The following STT3A variants were observed in gnomAD, a reference collection of about 807,000 sequenced individuals.
STT3A encodes the protein dolichyl-diphosphooligosaccharide--protein glycosyltransferase subunit STT3A.
Under a neutral mutation model 89.2 loss-of-function variants are expected in STT3A, and 34 were observed. The ratio of observed to expected loss-of-function variants is 0.38; its 90% CI spans 0.29 to 0.51. The LOEUF is 0.51. Among genes scored for constraint, STT3A ranks in the 20% least tolerant of loss-of-function variants. The pLI is 0.89. For missense variants in STT3A, 555 were observed against 889.5 expected (o/e 0.62, Z 4.78); for synonymous variants, 282 against 310.3 (o/e 0.91, Z 0.96).
chr11:125,614,134 T>A lies in STT3A; in HGVS notation c.1602T>A (p.Ala534=). 3 of 1,614,176 alleles carry A rather than the reference T, an allele frequency of 1.9e-6. No homozygotes were observed. The highest frequency in any genetic ancestry group is 2.5e-6 in the Non-Finnish European group (3 of 1,180,024). Residue 534 remains alanine (A), a synonymous_variant, in exon 14 of 18, where the codon GCT becomes GCA. Transcript: ENST00000392708. This position sits in a 1 kb window ranked among gnomAD's most constrained non-coding sequence, Gnocchi z 4.9. The part of the protein sequence containing the change: ...SWWDYGYQIT[A]MANRTILVDN... ...GGGATTATGGCTATCAGATTACAGC[T>A]ATGGCAAACCGAACAATTTTAGTGG...
upstream of STT3A, chr11:125,591,808 G>C (rs1192956082): frequency 6.6e-6 from 1 of 152,442 alleles, no homozygotes; most frequent in Non-Finnish European, 1.5e-5. Context: ...AGTTCGAAGA[G>C]CTGCGAGACG....
At chr11:125,593,673 T>G (rs1012495870) in intron 1 of STT3A, 10 of 152,256 alleles carry the variant, frequency 6.6e-5, no homozygotes, top group African/African-American at 2.4e-4. Context: ...CTGAGAGATA[T>G]GGCTGGATTG....
intron 10 of STT3A, chr11:125,610,989 A>G (rs11220154): frequency 0.28 from 42,594 of 153,094 alleles, 6,130 homozygotes; most frequent in East Asian, 0.4. Flanking sequence ...AATAAGAATG[A>G]GATCATAGTT....
intron 6 of STT3A, among the ~76,000 whole-genome samples, chr11:125,604,582 A>G (rs1374956840): frequency 6.6e-6 from 1 of 152,228 alleles, no homozygotes; most frequent in Non-Finnish European, 1.5e-5. Context: ...TCTCAATTCA[A>G]CATACATTTG....
intron 1 of STT3A, chr11:125,593,691 C>T (rs1369321983): frequency 6.6e-6 from 1 of 152,180 alleles, no homozygotes; most frequent in Non-Finnish European, 1.5e-5. Context: ...TTGTTGACCT[C>T]CTGGAGTAGT....
At chr11:125,612,522 CTACT>C (rs1940056836) in intron 11 of STT3A, 66 bp from the exon 12 acceptor site, 3 of 1,514,922 alleles carry the variant, frequency 2.0e-6, no homozygotes, top group Non-Finnish European at 2.7e-6. Context: ...ATGTCTTGAT[CTACT>C]AATAGGCTGA....
In STT3A at chr11:125,622,526, A is replaced by AT. The variant is rs1302562054; in HGVS notation, c.*1717dup. On this transcript the variant is annotated 3_prime_UTR_variant, in exon 18 of 18. Transcript: ENST00000392708. ...TTAATTTTGTTACTTTCTAGGCTAC[A>AT]TGAAGCTATCTTTTTAAAAAGTGTA... 6.6e-6 allele frequency: 1 copy of AT among 152,200 alleles called. No individual in the cohort carries two copies. Among genetic ancestry groups the AT allele is most frequent in the Non-Finnish European group, 1.5e-5 (1 of 68,036 alleles). 9.4% of individuals were successfully genotyped at this position (152,200 alleles called of 1,614,324 possible).
intron 11 of STT3A, 83 bp from the exon 12 acceptor site, chr11:125,612,508 AT>A: frequency 6.8e-7 from 1 of 1,472,858 alleles, no homozygotes; most frequent in Admixed American, 2.4e-5. Context: ...AAACCCCTAA[AT>A]TGATGTCTTG....
At chr11:125,592,249 G>C (rs547469741), upstream of STT3A, among the ~76,000 whole-genome samples, 13 of 152,292 alleles carry the variant, frequency 8.5e-5, no homozygotes, top group African/African-American at 2.9e-4. Context: ...AAGGTTCCCA[G>C]GTCCATCGCA....
rs1324714737 is a variant in STT3A at position 125,606,293 on chromosome 11, C to T, written c.616-8C>T. 1.3e-5 allele frequency: 21 copies of T among 1,609,568 alleles called. No individual in the cohort carries two copies. Among genetic ancestry groups the T allele is most frequent in the Non-Finnish European group, 1.7e-5 (20 of 1,178,562 alleles). ...TCAGAGGAACTGTTTTTTTCTATTC[C>T]ATCATAGGTCTCGTCATGGGGAGGT... is the stretch of plus-strand genomic sequence containing the variant. On this transcript the variant is annotated splice_region_variant and splice_polypyrimidine_tract_variant and intron_variant, in intron 7 of 17. Coordinates refer to ENST00000392708, the MANE Select transcript of STT3A (RefSeq NM_152713.5).
At position 125,599,011 on chromosome 11, in the gene STT3A, G is replaced by C. The variant is rs533718058; in HGVS notation, c.149+1892G>C. Among the ~76,000 whole-genome samples the C allele has an allele frequency of 1.9e-4, 29 of 152,294 alleles. 1 individual carries two copies. The highest frequency in any genetic ancestry group is 6.5e-4 in the African/African-American group (27 of 41,562). On this transcript the variant is annotated intron_variant, in intron 3 of 17. Coordinates refer to ENST00000392708, the MANE Select transcript of STT3A (RefSeq NM_152713.5). ...CAAGGAATGCAAGAGCATCTGCTTT[G>C]TCGTCAAGAGCTGTTAGGGACCATA...
At chr11:125,612,442 C>T (rs1053140833) in intron 11 of STT3A, 150 bp from the exon 12 acceptor site, 12 of 800,844 alleles carry the variant, frequency 1.5e-5, no homozygotes, top group East Asian at 2.8e-5. Flanking sequence ...CATACTAATA[C>T]TGCAACTGTT....
intron 6 of STT3A, among the ~76,000 whole-genome samples, chr11:125,604,947 C>T (rs1328555211): frequency 6.6e-6 from 1 of 151,976 alleles, no homozygotes; most frequent in East Asian, 1.9e-4. Flanking sequence ...ATAAGAAATA[C>T]AAAAATTAGC....
rs1940107768 is a variant in STT3A at position 125,614,271 on chromosome 11, G to T, written c.1672-53G>T. 2 of 1,612,536 alleles carry T rather than the reference G, an allele frequency of 1.2e-6. No individual in the cohort carries two copies. The highest frequency in any genetic ancestry group is 1.7e-6 in the Non-Finnish European group (2 of 1,178,570). On this transcript the variant is annotated intron_variant, in intron 14 of 17. Coordinates refer to ENST00000392708, the MANE Select transcript of STT3A (RefSeq NM_152713.5). This position sits in a 1 kb window ranked among gnomAD's most constrained non-coding sequence, Gnocchi z 4.9. ...CTAATGGGAAATGTGTCTGCATGAG[G>T]GGATCATATGACTTGGGATTTTGCT...
In STT3A at chr11:125,612,692, G is replaced by A. The variant is rs776079118; in HGVS notation, c.1310G>A (p.Arg437His). The change falls in exon 12 of 18, where the codon CGT becomes CAT. Residue 437 changes from arginine (R) to histidine (H), a missense_variant. Around this residue, in one of 5 missense-constraint regions of STT3A, gnomAD observed 273 missense variants for 449.8 expected, o/e 0.61. Transcript: ENST00000392708. The part of the protein sequence containing the change: ...STYMKNLDIS[R>H]PDKKSKKQQD... ...TACATGAAGAATCTGGACATAAGTC[G>A]TCCAGACAAGAAGAGCAAGAAGCAA... 22 of 1,614,050 alleles carry A rather than the reference G, an allele frequency of 1.4e-5. No homozygotes were observed. Among genetic ancestry groups the A allele is most frequent in the Admixed American group, 6.7e-5 (4 of 60,006 alleles).
At chr11:125,592,316 G>A (rs1455563968), upstream of STT3A, 1 of 433,206 alleles carries the variant, frequency 2.3e-6, no homozygotes, top group Non-Finnish European at 4.7e-6. Context: ...TGCAAAAGAC[G>A]AACTGTCTGG....
rs762477399 is a variant in STT3A, at chr11:125,605,673, A to G, written c.553A>G (p.Lys185Glu). 23 of 1,614,000 alleles carry G rather than the reference A, an allele frequency of 1.4e-5. No homozygotes were observed. Among genetic ancestry groups the G allele is most frequent in the Non-Finnish European group, 1.9e-5 (23 of 1,179,990 alleles). The change falls in exon 7 of 18, where the codon AAG (lysine) becomes GAG (glutamate). Residue 185 changes from lysine (K) to glutamate (E), a missense_variant. This residue lies in a region of STT3A where 149 missense variants were observed against 206.2 expected (regional missense o/e 0.72). Coordinates refer to ENST00000392708, the MANE Select transcript of STT3A (RefSeq NM_152713.5). ...GCTACTCACCTACTACATGTGGATC[A>G]AGGCAGTAAAGACTGGTTCCATCTG... ...CMLLTYYMWIKAVKTGSICWA... is the reference protein window; with the variant it reads ...CMLLTYYMWIEAVKTGSICWA...
chr11:125,620,630 T>A, intron 17 of STT3A, 142 bp from the exon 18 acceptor site: 1 of 685,358 alleles, frequency 1.5e-6, no homozygotes, highest in East Asian at 2.7e-5. Context: ...TAGTCTCTAG[T>A]CAGTGCTTGT....
intron 2 of STT3A, 96 bp from the exon 3 acceptor site, chr11:125,596,963 C>A: frequency 1.5e-6 from 2 of 1,300,802 alleles, no homozygotes; most frequent in Non-Finnish European, 2.2e-6. Context: ...TTTCTGTGAC[C>A]TCTCTACTGG....
Sources: gnomAD v4.1 joint callset for allele counts (sites outside exome capture counted in the v4.1 genomes callset) on GRCh38, gnomAD v4.1.1 for gene constraint, gnomAD v4.1.1 regional missense constraint, Gnocchi (gnomAD v3.1) non-coding constraint, MANE v1.5 for transcripts, NCBI Gene and HGNC (gene_info 2026-07-23, HGNC 2026-07-21) for gene names.